Variants in RCOR1 observed in about 807,000 individuals in gnomAD.
RCOR1 encodes the protein REST corepressor.
In RCOR1, 12 loss-of-function variants were observed where a neutral mutation model predicts 64.0. That is an observed-to-expected ratio of 0.19 (90% CI 0.12 to 0.30). The LOEUF is 0.30. Ranked by LOEUF, RCOR1 falls within the 10% of genes least tolerant of loss-of-function variation. The probability of loss-of-function intolerance (pLI) is 1.00; values close to 1 mark genes in which losing one functional copy is unlikely to be tolerated. For missense variants in RCOR1, 502 were observed against 621.2 expected, an observed-to-expected ratio of 0.81 and a Z score of 2.04; for synonymous variants, 279 against 227.2, an observed-to-expected ratio of 1.23 and a Z score of -2.05.
chr14:102,621,025 G>T (rs1229084357), intron 2 of RCOR1, among the ~76,000 whole-genome samples: 1 of 152,152 alleles, frequency 6.6e-6, no homozygotes, highest in East Asian at 1.9e-4. Flanking sequence ...TTGTTAAATA[G>T]TTGCTTTGTT....
intron 2 of RCOR1, among the ~76,000 whole-genome samples, chr14:102,603,104 G>A (rs1283688215): frequency 6.8e-6 from 1 of 147,526 alleles, no homozygotes; most frequent in Non-Finnish European, 1.5e-5. Context: ...TTTGAGATGA[G>A]TTCTTACTCT....
intron 2 of RCOR1, chr14:102,655,175 C>A: frequency 1.8e-6 from 1 of 562,050 alleles, no homozygotes; most frequent in Non-Finnish European, 2.2e-6. Context: ...GCAATACAGG[C>A]ATATGGTACA....
Position 102,728,570 on chromosome 14 carries a change from T to A in RCOR1, c.*2064T>A, listed in dbSNP as rs1299104097. 1 of 152,186 alleles carries A rather than the reference T, an allele frequency of 6.6e-6. No individual in the cohort carries two copies. Among genetic ancestry groups the A allele is most frequent in the Non-Finnish European group, 1.5e-5 (1 of 68,032 alleles). The allele number at this position is 152,186 out of a possible 1,614,324, so 9.4% of individuals were successfully genotyped here. ...TGCAGTGCGTTTCTCACCCTGCCAA[T>A]AGGTCTGTCTGTATCTCTGTTAAGG... On this transcript the variant is annotated 3_prime_UTR_variant, in exon 12 of 12. Transcript: ENST00000262241.
chr14:102,722,134 T>C, intron 10 of RCOR1, 53 bp from the exon 11 acceptor site: 1 of 1,422,712 alleles, frequency 7.0e-7, no homozygotes, highest in African/African-American at 1.4e-5. Context: ...ACTTGTGGTT[T>C]TAAAAAAATG....
chr14:102,598,650 A>G (rs562591725), intron 2 of RCOR1, among the ~76,000 whole-genome samples: 1 of 151,680 alleles, frequency 6.6e-6, no homozygotes, highest in East Asian at 2.0e-4. Flanking sequence ...GGGTTCCACC[A>G]TGTTAGCCAG....
intron 2 of RCOR1, among the ~76,000 whole-genome samples, chr14:102,672,684 T>C (rs1049488478): frequency 2.0e-5 from 3 of 152,126 alleles, no homozygotes; most frequent in Non-Finnish European, 2.9e-5. Flanking sequence ...TTCAGGGAAA[T>C]GCAAATCAAA....
At chr14:102,657,444 A>G in intron 2 of RCOR1, 1 of 984,838 alleles carries the variant, frequency 1.0e-6, no homozygotes, top group Non-Finnish European at 1.2e-6. Context: ...TAAGACTAAT[A>G]TAACACAGAA....
chr14:102,680,904 T>G (rs1895288502), intron 2 of RCOR1, among the ~76,000 whole-genome samples: 1 of 152,210 alleles, frequency 6.6e-6, no homozygotes, highest in African/African-American at 2.4e-5. Context: ...CAACTTTTAA[T>G]TTTACCTAAT....
At position 102,669,692 on chromosome 14, in the gene RCOR1, T is replaced by C. The variant is rs140826076; in HGVS notation, c.362-12203T>C. On this transcript the variant is annotated intron_variant, in intron 2 of 11. Transcript: ENST00000262241. ...ATCTATAAAATGGATAGTCGTAAGATTGAAATGAACTAAGGCACGTCAAAG... is the reference window on the plus strand; with the variant it reads ...ATCTATAAAATGGATAGTCGTAAGACTGAAATGAACTAAGGCACGTCAAAG... 2.1e-3 allele frequency among the ~76,000 whole-genome samples: 323 copies of C among 152,322 alleles called. 4 individuals carry two copies. Among genetic ancestry groups the C allele is most frequent in the African/African-American group, 7.6e-3 (315 of 41,570 alleles).
intron 2 of RCOR1, among the ~76,000 whole-genome samples, chr14:102,679,753 C>A (rs1176282490): frequency 6.6e-6 from 1 of 152,228 alleles, no homozygotes; most frequent in Non-Finnish European, 1.5e-5. Flanking sequence ...GCTGGGATTA[C>A]AGGCGTGAGC....
rs530515073 is a variant in RCOR1, at chr14:102,683,522, C to A, written c.445+1544C>A. On this transcript the variant is annotated intron_variant, in intron 3 of 11. Coordinates refer to ENST00000262241, the MANE Select transcript of RCOR1 (RefSeq NM_015156.4). Reference sequence around the variant, plus strand: ...GAGGCCACCTGGGCGCAGGTCCCCCCGATCCCAGACCCTGGTCAGCCTGGG... The same window carrying A: ...GAGGCCACCTGGGCGCAGGTCCCCCAGATCCCAGACCCTGGTCAGCCTGGG... Among the ~76,000 whole-genome samples, 142 of 152,376 alleles carry A rather than the reference C, an allele frequency of 9.3e-4. 2 individuals carry two copies. The highest frequency in any genetic ancestry group is 3.2e-3 in the African/African-American group (133 of 41,598).
chr14:102,625,020 A>G (rs1252348959), intron 2 of RCOR1, among the ~76,000 whole-genome samples: 1 of 151,670 alleles, frequency 6.6e-6, no homozygotes, highest in Non-Finnish European at 1.5e-5. Flanking sequence ...GCATGCTACC[A>G]TACACCTGGC....
At chr14:102,723,160 C>T (rs1029265396) in intron 11 of RCOR1, among the ~76,000 whole-genome samples, 1 of 152,222 alleles carries the variant, frequency 6.6e-6, no homozygotes. Flanking sequence ...AATTTGTTCA[C>T]AGGCATGGTA....
chr14:102,681,243 A>G (rs1361000250), intron 2 of RCOR1, among the ~76,000 whole-genome samples: 2 of 152,214 alleles, frequency 1.3e-5, no homozygotes, highest in African/African-American at 4.8e-5. Flanking sequence ...AACCTTTAGA[A>G]TGAATAAGTC....
intron 2 of RCOR1, among the ~76,000 whole-genome samples, chr14:102,599,239 C>T (rs144566155): frequency 1.5e-3 from 234 of 152,146 alleles, no homozygotes; most frequent in African/African-American, 5.6e-3. Flanking sequence ...TCCTCCCATC[C>T]ATACTTTACC....
intron 2 of RCOR1, among the ~76,000 whole-genome samples, chr14:102,647,659 G>A (rs1442103226): frequency 6.6e-6 from 1 of 152,056 alleles, no homozygotes; most frequent in African/African-American, 2.4e-5. Flanking sequence ...TGAACATAAA[G>A]ACATCTTTAT....
intron 3 of RCOR1, among the ~76,000 whole-genome samples, chr14:102,691,913 C>T (rs902979694): frequency 6.6e-6 from 1 of 152,138 alleles, no homozygotes; most frequent in Non-Finnish European, 1.5e-5. Context: ...TTTCTTGATG[C>T]CCATCTAGAA....
intron 3 of RCOR1, among the ~76,000 whole-genome samples, chr14:102,693,234 T>A (rs1895573103): frequency 6.6e-6 from 1 of 152,206 alleles, no homozygotes; most frequent in Admixed American, 6.5e-5. Context: ...CTCGGTCACT[T>A]ACGACAATTG....
intron 2 of RCOR1, among the ~76,000 whole-genome samples, chr14:102,614,469 C>G (rs1406308454): frequency 6.6e-6 from 1 of 152,068 alleles, no homozygotes; most frequent in East Asian, 1.9e-4. Context: ...CGTGATCCGC[C>G]CGCCTCGGCC....
Sources: allele counts gnomAD v4.1 joint callset (sites outside exome capture counted in the v4.1 genomes callset), GRCh38; gene constraint gnomAD v4.1.1; transcripts MANE v1.5; gene names NCBI Gene and HGNC (gene_info 2026-07-23, HGNC 2026-07-21).